The following DNAH14 variants were observed in gnomAD, a reference collection of about 807,000 sequenced individuals.
DNAH14 encodes dynein axonemal heavy chain 14, also known as axonemal beta dynein heavy chain 14.
DNAH14 carries 478 observed loss-of-function variants against 520.9 expected under a neutral mutation model. The ratio of observed to expected loss-of-function variants is 0.92; its 90% CI spans 0.85 to 0.99. The LOEUF (loss-of-function observed/expected upper bound fraction) is 0.99, where lower values mean the gene tolerates loss of function less well. Ranked by LOEUF, DNAH14 falls within the 50% of genes least tolerant of loss-of-function variation. The pLI is 0.00. For missense variants in DNAH14, 4,831 were observed against 5,234.5 expected (o/e 0.92, Z 2.38); for synonymous variants, 1,581 against 1,757.2 (o/e 0.90, Z 2.51).
chr1:225,272,908 C>A (rs1340269184), intron 51 of DNAH14, 47 bp from the exon 52 acceptor site: 2 of 1,475,448 alleles, frequency 1.4e-6, no homozygotes, highest in Admixed American at 2.7e-5. Flanking sequence ...TCACATACTA[C>A]CCTGCTAATT....
rs867646100 is a variant in DNAH14, at chr1:225,335,875, A to G, written c.10081-1391A>G. On this transcript the variant is annotated intron_variant, in intron 66 of 85. Transcript: ENST00000682510. ...TATGTACATATATGTACATACACAT[A>G]TACATATATGTACATATACATACAT... Among the ~76,000 whole-genome samples, 36 of 28,038 alleles carry G rather than the reference A, an allele frequency of 1.3e-3. 2 individuals carry two copies. The highest frequency in any genetic ancestry group is 0.038 in the Middle Eastern group (1 of 26). The allele number at this position is 28,038 out of a possible 152,430, so 18.4% of individuals were successfully genotyped here.
intron 41 of DNAH14, among the ~76,000 whole-genome samples, chr1:225,225,492 A>G (rs2090452434): frequency 6.6e-6 from 1 of 152,132 alleles, no homozygotes; most frequent in South Asian, 2.1e-4. Context: ...AACATCCAAC[A>G]TTCCACAGGC....
At chr1:225,107,659 A>C (rs1477701530) in intron 23 of DNAH14, among the ~76,000 whole-genome samples, 1 of 152,152 alleles carries the variant, frequency 6.6e-6, no homozygotes, top group Non-Finnish European at 1.5e-5. Context: ...CCTGCCATGG[A>C]TACCGGAATT....
At chr1:225,049,555 T>G (rs1030252437) in intron 15 of DNAH14, among the ~76,000 whole-genome samples, 2 of 152,168 alleles carry the variant, frequency 1.3e-5, no homozygotes, top group African/African-American at 2.4e-5. Context: ...AAAGTACAGC[T>G]CATCAGTTTT....
chr1:225,082,360 T>C (rs997027853), intron 19 of DNAH14, among the ~76,000 whole-genome samples, 189 bp from the exon 20 acceptor site: 8 of 152,188 alleles, frequency 5.3e-5, no homozygotes, highest in African/African-American at 1.9e-4. Flanking sequence ...CTTATTTTAA[T>C]GTATAGTTGA....
At chr1:225,398,474 G>A (rs751901209) in intron 84 of DNAH14, 46 bp from the exon 85 acceptor site, 16 of 1,542,858 alleles carry the variant, frequency 1.0e-5, no homozygotes, top group Admixed American at 5.9e-5. Flanking sequence ...CCAGTTGGTC[G>A]CTGCTTCTCC....
At chr1:224,960,111 A>G in intron 3 of DNAH14, 42 bp from the exon 4 acceptor site, 1 of 1,502,378 alleles carries the variant, frequency 6.7e-7, no homozygotes, top group Non-Finnish European at 8.9e-7. Flanking sequence ...TATTATTTAC[A>G]GCTCACACTA....
intron 41 of DNAH14, among the ~76,000 whole-genome samples, chr1:225,218,894 A>G (rs1282709490): frequency 1.3e-5 from 2 of 152,192 alleles, no homozygotes; most frequent in East Asian, 3.9e-4. Flanking sequence ...TCTAAAATTG[A>G]CCACATAATT....
intron 34 of DNAH14, among the ~76,000 whole-genome samples, chr1:225,157,259 C>A (rs2081134716): frequency 6.6e-6 from 1 of 152,140 alleles, no homozygotes; most frequent in African/African-American, 2.4e-5. Flanking sequence ...AGAGAATTAA[C>A]ATCTCTCCAA....
At position 224,967,503 on chromosome 1, in the gene DNAH14, T is replaced by C; in HGVS notation, c.571T>C (p.Tyr191His). The C allele has an allele frequency of 6.2e-7, 1 of 1,603,742 alleles. No homozygotes were observed. The highest frequency in any genetic ancestry group is 1.1e-5 in the South Asian group (1 of 89,128). Reference sequence around the variant, plus strand: ...AAGTCCTAAATCCCTTTACAATCCATATGATCTTCAGGTAGTATCGGCTCA... The same window carrying C: ...AAGTCCTAAATCCCTTTACAATCCACATGATCTTCAGGTAGTATCGGCTCA... Reference protein sequence around the residue: ...RKSPKSLYNPYDLQVVSAHTA... With the variant: ...RKSPKSLYNPHDLQVVSAHTA... Residue 191 changes from tyrosine (Y) to histidine (H), a missense_variant, in exon 6 of 86, where the codon TAT (tyrosine) becomes CAT (histidine). Physicochemically the swap from Tyr to His is moderately conservative, Grantham distance 83. Transcript: ENST00000682510.
rs1303981699 is a variant in DNAH14, at chr1:225,271,003, C to T, written c.7671+137C>T. The T allele has an allele frequency of 4.1e-6, 4 of 980,856 alleles. No homozygotes were observed. In the African/African-American group the frequency reaches 6.6e-5, roughly 16 times the overall value. 60.8% of individuals were successfully genotyped at this position (980,856 alleles called of 1,614,324 possible). ...TTTTATTTCCCCGTATGTTTTCTGG[C>T]CTATTATAATTTGGTTCTACATATC... On this transcript the variant is annotated intron_variant, in intron 50 of 85. Coordinates refer to ENST00000682510, the MANE Select transcript of DNAH14 (RefSeq NM_001367479.1).
intron 80 of DNAH14, 84 bp from the exon 81 acceptor site, chr1:225,381,299 T>C (rs2095779574): frequency 7.3e-7 from 1 of 1,363,540 alleles, no homozygotes; most frequent in East Asian, 2.5e-5. Flanking sequence ...AAAATTCCCT[T>C]AACTTTCAAA....
intron 12 of DNAH14, among the ~76,000 whole-genome samples, chr1:225,041,316 C>T (rs1572647538): frequency 6.6e-6 from 1 of 152,194 alleles, no homozygotes; most frequent in Non-Finnish European, 1.5e-5. Context: ...TTGGTGCTGC[C>T]TCCTCCTTCC....
At chr1:225,147,076 G>A in intron 30 of DNAH14, 28 bp from the exon 31 acceptor site, 1 of 1,453,032 alleles carries the variant, frequency 6.9e-7, no homozygotes, top group Non-Finnish European at 9.2e-7. Context: ...AATAATTTTA[G>A]TAATCAATCT....
Position 224,965,449 on chromosome 1 carries a change from G to A in DNAH14, c.498+840G>A, listed in dbSNP as rs184110189. Among the ~76,000 whole-genome samples the A allele has an allele frequency of 4.6e-5, 7 of 151,990 alleles. No homozygotes were observed. The East Asian group carries it at 1.4e-3, about 29-fold the overall frequency. On this transcript the variant is annotated intron_variant, in intron 5 of 85. Transcript: ENST00000682510. ...TAGATTTTTTTCTGAAGAGGACCAG[G>A]TAATAAATATTTTAGATTTTGAAAC... is the stretch of plus-strand genomic sequence containing the variant.
At chr1:225,193,787 A>G (rs1474065614) in intron 38 of DNAH14, among the ~76,000 whole-genome samples, 2 of 152,144 alleles carry the variant, frequency 1.3e-5, no homozygotes, top group African/African-American at 2.4e-5. Context: ...ATATGATTCT[A>G]TACCTAGAAA....
intron 54 of DNAH14, among the ~76,000 whole-genome samples, chr1:225,287,818 A>T (rs2093781632): frequency 6.6e-6 from 1 of 152,150 alleles, no homozygotes; most frequent in Non-Finnish European, 1.5e-5. Context: ...AAGTGCTAAA[A>T]TAATCATGGG....
intron 4 of DNAH14, 145 bp from the exon 5 acceptor site, chr1:224,964,334 A>C (rs779964976): frequency 1.3e-5 from 12 of 940,118 alleles, no homozygotes; most frequent in Non-Finnish European, 1.7e-5. Flanking sequence ...GTTTTGAGCT[A>C]TTTTTTCTCC....
At chr1:225,192,213 G>T (rs1221699163) in intron 37 of DNAH14, among the ~76,000 whole-genome samples, 1 of 152,020 alleles carries the variant, frequency 6.6e-6, no homozygotes, top group East Asian at 1.9e-4. Flanking sequence ...GCTTCCACAG[G>T]TCTGTAATCT....
Sources: gnomAD v4.1 joint callset for allele counts (sites outside exome capture counted in the v4.1 genomes callset) on GRCh38, gnomAD v4.1.1 for gene constraint, MANE v1.5 for transcripts, NCBI Gene and HGNC (gene_info 2026-07-23, HGNC 2026-07-21) for gene names.